Variants in SLC45A4 observed in about 807,000 individuals in gnomAD.
The protein encoded by SLC45A4 is solute carrier family 45 member 4.
In SLC45A4, 32 loss-of-function variants were observed where a neutral mutation model predicts 63.7. The ratio of observed to expected loss-of-function variants is 0.50; its 90% CI spans 0.38 to 0.67. The LOEUF (loss-of-function observed/expected upper bound fraction) is 0.67, where lower values mean the gene tolerates loss of function less well. Among genes scored for constraint, SLC45A4 ranks in the 30% least tolerant of loss-of-function variants. SLC45A4 has a pLI of 0.00. For synonymous variants in SLC45A4, 535 were observed against 510.0 expected (o/e 1.05, Z -0.66); for missense variants, 1,027 against 1,157.7 (o/e 0.89, Z 1.64).
chr8:141,272,005 C>G (rs1403196561), intron 1 of SLC45A4, among the ~76,000 whole-genome samples: 1 of 151,926 alleles, frequency 6.6e-6, no homozygotes, highest in Non-Finnish European at 1.5e-5. Flanking sequence ...CGTGTGCATG[C>G]AACACACACC....
intron 1 of SLC45A4, among the ~76,000 whole-genome samples, chr8:141,301,851 A>C (rs1307172258): frequency 1.3e-5 from 2 of 151,592 alleles, no homozygotes; most frequent in Admixed American, 1.3e-4. Context: ...GGTCCCAGCT[A>C]CTCAGGAGGC....
intron 1 of SLC45A4, among the ~76,000 whole-genome samples, chr8:141,302,795 A>G (rs1020699566): frequency 6.6e-5 from 10 of 152,262 alleles, no homozygotes; most frequent in African/African-American, 2.4e-4. Context: ...TGCTCTTAAT[A>G]TGCGATTTCA....
At position 141,207,451 on chromosome 8, in the gene SLC45A4, C is replaced by T. The variant is rs1434706190; in HGVS notation, c.*4121G>A. On this transcript the variant is annotated 3_prime_UTR_variant, in exon 9 of 9. Coordinates refer to ENST00000517878, the MANE Select transcript of SLC45A4 (RefSeq NM_001286646.2). ...CGACACTTCCTTACGACCTCTCTCT[C>T]CTAAAACGTAACATTATGTGTTTAA... 11 of 152,244 alleles carry T rather than the reference C, an allele frequency of 7.2e-5. No homozygotes were observed. The highest frequency in any genetic ancestry group is 1.6e-4 in the Non-Finnish European group (11 of 68,042). 9.4% of individuals were successfully genotyped at this position (152,244 alleles called of 1,614,324 possible). A position where few individuals can be genotyped will look rare whatever the true frequency, so the allele number is the denominator to read the frequency against.
At position 141,219,045 on chromosome 8, in the gene SLC45A4, C is replaced by G; in HGVS notation, c.611-16G>C. ...CCGCCGAGGCCTGCGTGGGAGGAAG[C>G]AGCAGCCGGTGAGCCGGTGGCACCA... On this transcript the variant is annotated splice_polypyrimidine_tract_variant and intron_variant, in intron 4 of 8. Transcript: ENST00000517878. The G allele has an allele frequency of 2.5e-6, 4 of 1,598,706 alleles. No individual in the cohort carries two copies. The highest frequency in any genetic ancestry group is 2.2e-5 in the East Asian group (1 of 44,620).
At chr8:141,250,913 T>C (rs900940310) in intron 2 of SLC45A4, among the ~76,000 whole-genome samples, 2 of 152,200 alleles carry the variant, frequency 1.3e-5, no homozygotes, top group African/African-American at 4.8e-5. Context: ...TGCATAGAAA[T>C]TGAGACTCAC....
rs531364595 is a variant in SLC45A4 at position 141,285,043 on chromosome 8, G to A, written c.-401+23053C>T. Among the ~76,000 whole-genome samples, 8 of 152,334 alleles carry A rather than the reference G, an allele frequency of 5.3e-5. No individual in the cohort carries two copies. The South Asian group carries it at 6.2e-4, about 12-fold the overall frequency. On this transcript the variant is annotated intron_variant, in intron 1 of 8. Transcript: ENST00000517878. ...CAGAGGCCTGAGCAGAACAGGGTCC[G>A]GAGCTGGCAGTGGGGCTCGGGGCCA...
chr8:141,211,478 C>G lies in SLC45A4; in HGVS notation c.*94G>C, dbSNP rs910715412. On this transcript the variant is annotated 3_prime_UTR_variant, in exon 9 of 9. Coordinates refer to ENST00000517878, the MANE Select transcript of SLC45A4 (RefSeq NM_001286646.2). ...TGCCCAGGCCCCCCGGACCAGCCTCCTCCCAGCTTTGGTGTGCGGTCGCTG... is the reference window on the plus strand; with the variant it reads ...TGCCCAGGCCCCCCGGACCAGCCTCGTCCCAGCTTTGGTGTGCGGTCGCTG... The G allele has an allele frequency of 3.7e-6, 6 of 1,603,422 alleles. No individual in the cohort carries two copies. The South Asian group carries it at 6.7e-5, about 18-fold the overall frequency.
chr8:141,265,496 ACTTT>A (rs1481452031), intron 1 of SLC45A4, among the ~76,000 whole-genome samples: 1 of 152,254 alleles, frequency 6.6e-6, no homozygotes, highest in Non-Finnish European at 1.5e-5. Flanking sequence ...CCGTGAGGTC[ACTTT>A]CTTAGAGCAA....
intron 1 of SLC45A4, among the ~76,000 whole-genome samples, chr8:141,301,294 T>C (rs1342806636): frequency 6.6e-6 from 1 of 152,216 alleles, no homozygotes; most frequent in African/African-American, 2.4e-5. Context: ...CATTTAGTAA[T>C]TGTTTATCAA....
intron 2 of SLC45A4, among the ~76,000 whole-genome samples, chr8:141,234,417 C>G (rs79276323): frequency 1.5e-3 from 231 of 152,306 alleles, no homozygotes; most frequent in African/African-American, 5.2e-3. Flanking sequence ...GAAGGGCGTC[C>G]GTTGTTTGTT....
rs1033746912 is a variant in SLC45A4, at chr8:141,208,907, C to G, written c.*2665G>C. ...CCACCACAAATGAGACCAACATTAT[C>G]CTAGTTTGGTAACTGGTCTGCGCAC... On this transcript the variant is annotated 3_prime_UTR_variant, in exon 9 of 9. Coordinates refer to ENST00000517878, the MANE Select transcript of SLC45A4 (RefSeq NM_001286646.2). 6.6e-6 allele frequency: 1 copy of G among 152,362 alleles called. No individual in the cohort carries two copies. Among genetic ancestry groups the G allele is most frequent in the African/African-American group, 2.4e-5 (1 of 41,456 alleles). 9.4% of individuals were successfully genotyped at this position (152,362 alleles called of 1,614,324 possible). A position where few individuals can be genotyped will look rare whatever the true frequency, so the allele number is the denominator to read the frequency against.
chr8:141,236,280 A>ATC (rs1275564474), intron 2 of SLC45A4, among the ~76,000 whole-genome samples: 2 of 152,194 alleles, frequency 1.3e-5, no homozygotes, highest in Non-Finnish European at 2.9e-5. Context: ...CCGTCCCTGG[A>ATC]TCTTCCCTCT....
At chr8:141,302,506 G>T (rs933781910) in intron 1 of SLC45A4, among the ~76,000 whole-genome samples, 6 of 149,578 alleles carry the variant, frequency 4.0e-5, no homozygotes, top group African/African-American at 1.5e-4. Flanking sequence ...GCTAATTTTT[G>T]TATTTTTAGT....
chr8:141,267,241 A>G (rs7002268), intron 1 of SLC45A4, among the ~76,000 whole-genome samples: 42,055 of 152,226 alleles, frequency 0.28, 6,117 homozygotes, highest in East Asian at 0.39. Flanking sequence ...CAGGAATGAT[A>G]CCGGGGCAGC....
chr8:141,241,562 ACAGT>A (rs1827919632), intron 2 of SLC45A4, among the ~76,000 whole-genome samples: 1 of 151,914 alleles, frequency 6.6e-6, no homozygotes, highest in Admixed American at 6.6e-5. Context: ...CCATTACAAT[ACAGT>A]CAAAGAAAAA....
At chr8:141,298,641 C>T (rs1447574273) in intron 1 of SLC45A4, among the ~76,000 whole-genome samples, 3 of 152,194 alleles carry the variant, frequency 2.0e-5, no homozygotes, top group Admixed American at 1.3e-4. Context: ...AGCCAGGGAG[C>T]CAACCCAGAG....
At chr8:141,231,191 A>AGG (rs1279215013) in intron 2 of SLC45A4, among the ~76,000 whole-genome samples, 3 of 152,182 alleles carry the variant, frequency 2.0e-5, no homozygotes, top group Non-Finnish European at 4.4e-5. Flanking sequence ...GGTGGGATGA[A>AGG]GGGCACAGTG....
At chr8:141,242,567 G>A (rs1827965555) in intron 2 of SLC45A4, among the ~76,000 whole-genome samples, 1 of 152,332 alleles carries the variant, frequency 6.6e-6, no homozygotes, top group South Asian at 2.1e-4. Context: ...AGGGTCTCAT[G>A]AGAATACAAA....
chr8:141,295,736 G>A (rs1354006199), intron 1 of SLC45A4, among the ~76,000 whole-genome samples: 3 of 152,342 alleles, frequency 2.0e-5, no homozygotes, highest in Admixed American at 1.3e-4. Context: ...GTCTCCAGAG[G>A]CTGGAAGCAC....
Sources: allele counts gnomAD v4.1 joint callset (sites outside exome capture counted in the v4.1 genomes callset), GRCh38; gene constraint gnomAD v4.1.1; transcripts MANE v1.5; gene names NCBI Gene and HGNC (gene_info 2026-07-23, HGNC 2026-07-21).